CYRIB: variants seen among roughly 807,000 people sequenced by gnomAD.
CYRIB encodes CYFIP related Rac1 interactor B, also known as CYFIP-related Rac1 interactor B.
Under a neutral mutation model 44.2 loss-of-function variants are expected in CYRIB, and 8 were observed. The observed-to-expected ratio is 0.18, with a 90% CI of 0.11 to 0.33. The LOEUF (loss-of-function observed/expected upper bound fraction) is 0.33, where lower values mean the gene tolerates loss of function less well. Ranked by LOEUF, CYRIB falls within the 10% of genes least tolerant of loss-of-function variation. The probability of loss-of-function intolerance (pLI) is 1.00; values close to 1 mark genes in which losing one functional copy is unlikely to be tolerated. For missense variants in CYRIB, 185 were observed against 382.8 expected, an observed-to-expected ratio of 0.48 and a Z score of 4.31; for synonymous variants, 131 against 127.2, an observed-to-expected ratio of 1.03 and a Z score of -0.20.
At chr8:130,006,492 T>C (rs1284789534) in intron 1 of CYRIB, among the ~76,000 whole-genome samples, 1 of 138,786 alleles carries the variant, frequency 7.2e-6, no homozygotes, top group East Asian at 2.1e-4. Flanking sequence ...TATATATATA[T>C]TTATTTATTT....
intron 2 of CYRIB, among the ~76,000 whole-genome samples, chr8:129,966,158 A>T (rs2095471164): frequency 6.6e-6 from 1 of 152,210 alleles, no homozygotes; most frequent in African/African-American, 2.4e-5. Flanking sequence ...CCCAGCCTAA[A>T]TCAATTCCTT....
intron 1 of CYRIB, among the ~76,000 whole-genome samples, chr8:130,003,289 T>G (rs1253643679): frequency 6.6e-6 from 1 of 152,216 alleles, no homozygotes; most frequent in Non-Finnish European, 1.5e-5. Context: ...TTACTGTTTT[T>G]CTTAGGAAAG....
At chr8:129,967,489 C>A (rs2095529581) in intron 2 of CYRIB, among the ~76,000 whole-genome samples, 1 of 151,946 alleles carries the variant, frequency 6.6e-6, no homozygotes, top group Non-Finnish European at 1.5e-5. Flanking sequence ...ACGCCATTCT[C>A]CTGCTTCAGC....
chr8:129,843,268 T>C (rs569405832), intron 11 of CYRIB, among the ~76,000 whole-genome samples: 1 of 152,308 alleles, frequency 6.6e-6, no homozygotes, highest in East Asian at 1.9e-4. Flanking sequence ...AGTTTGGAGA[T>C]TATTTTAAGT....
At chr8:129,941,140 T>C (rs190014197), upstream of CYRIB, among the ~76,000 whole-genome samples, 1 of 152,246 alleles carries the variant, frequency 6.6e-6, no homozygotes, top group African/African-American at 2.4e-5. Flanking sequence ...TGAAGTGGCT[T>C]TTTCAAGGCA....
chr8:129,855,138 A>C (rs115197199), intron 6 of CYRIB, among the ~76,000 whole-genome samples: 2,355 of 152,294 alleles, frequency 0.015, 70 homozygotes, highest in African/African-American at 0.054. Flanking sequence ...TTTTTAAACA[A>C]GGTTAAATGA....
intron 2 of CYRIB, among the ~76,000 whole-genome samples, chr8:129,967,502 C>CT (rs753946169): frequency 1.1e-4 from 17 of 151,938 alleles, no homozygotes; most frequent in Non-Finnish European, 2.5e-4. Flanking sequence ...GCTTCAGCCT[C>CT]CCGAGTAGCT....
intron 7 of CYRIB, among the ~76,000 whole-genome samples, chr8:129,852,981 T>C (rs903301844): frequency 1.3e-5 from 2 of 152,190 alleles, no homozygotes; most frequent in African/African-American, 4.8e-5. Context: ...CGTGGGCAGA[T>C]TGTACCAAAA....
chr8:129,983,410 A>G (rs1298976766), intron 1 of CYRIB, among the ~76,000 whole-genome samples: 1 of 152,186 alleles, frequency 6.6e-6, no homozygotes, highest in Admixed American at 6.5e-5. Flanking sequence ...GTGCCACTGC[A>G]CTCCAGCCAG....
At chr8:129,858,719 G>T (rs1433518674) in intron 5 of CYRIB, among the ~76,000 whole-genome samples, 1 of 95,726 alleles carries the variant, frequency 1.0e-5, no homozygotes, top group Non-Finnish European at 2.0e-5. Context: ...ATGTTGAAGG[G>T]ACTTATTATG....
rs554120846 is a variant in CYRIB, at chr8:130,007,628, TACA to T, written c.-296+8739_-296+8741del. On this transcript the variant is annotated intron_variant, in intron 1 of 14. Coordinates refer to the CYRIB transcript ENST00000401979. Reference sequence around the variant, plus strand: ...GGTGAAACCCTGTCGCTACTAAAAATACAACATTAGCTGGGCGTGGTGGCACAG... The same window carrying T: ...GGTGAAACCCTGTCGCTACTAAAAATACATTAGCTGGGCGTGGTGGCACAG... 1.8e-3 allele frequency among the ~76,000 whole-genome samples: 276 copies of T among 151,952 alleles called. 2 individuals are homozygous for T. The highest frequency in any genetic ancestry group is 6.8e-3 in the Middle Eastern group (2 of 292).
intron 2 of CYRIB, among the ~76,000 whole-genome samples, chr8:129,899,835 T>C (rs2070506731): frequency 6.6e-6 from 1 of 152,230 alleles, no homozygotes; most frequent in Admixed American, 6.5e-5. Flanking sequence ...CAGATGTCCT[T>C]GCAGAAGTAC....
At chr8:129,990,162 GC>G in intron 1 of CYRIB, among the ~76,000 whole-genome samples, 1 of 152,130 alleles carries the variant, frequency 6.6e-6, no homozygotes, top group Admixed American at 6.5e-5. Flanking sequence ...TCTCCCTGGT[GC>G]CCAGCACAGT....
rs570060296 is a variant in CYRIB at position 129,962,073 on chromosome 8, A to AC, written c.-243+8869dup. On this transcript the variant is annotated intron_variant, in intron 2 of 14. Coordinates refer to the CYRIB transcript ENST00000401979. ...AAGACCAGCCTGAGCAACATGGGAG[A>AC]CCCCTTCTCTAAACATACAAAAAAT... 3.1e-3 allele frequency among the ~76,000 whole-genome samples: 472 copies of AC among 151,736 alleles called. 2 individuals are homozygous for AC. Among genetic ancestry groups the AC allele is most frequent in the Middle Eastern group, 0.014 (4 of 292 alleles).
intron 1 of CYRIB, among the ~76,000 whole-genome samples, chr8:130,015,603 G>C (rs1279292753): frequency 6.6e-6 from 1 of 152,146 alleles, no homozygotes; most frequent in Non-Finnish European, 1.5e-5. Context: ...ACTCCAAGTA[G>C]CTCCAGCATG....
In CYRIB at chr8:129,950,405, A is replaced by G. The variant is rs188623545; in HGVS notation, c.-243+20538T>C. Among the ~76,000 whole-genome samples the G allele has an allele frequency of 5.8e-4, 88 of 152,304 alleles. No individual in the cohort carries two copies. The South Asian group carries it at 0.011, about 19-fold the overall frequency. On this transcript the variant is annotated intron_variant, in intron 2 of 14. Transcript: ENST00000401979. ...GCCAGCATGGCAAAAGCCCATCTCT[A>G]CTAAAAATACAAAAATTAGCCAGAC...
chr8:129,849,803 G>A (rs542597970), intron 9 of CYRIB: 2 of 154,866 alleles, frequency 1.3e-5, no homozygotes, highest in Non-Finnish European at 2.9e-5. Flanking sequence ...TTAGAGAATA[G>A]ATGCTACGTA....
exon 12 of CYRIB, chr8:129,840,076 CA>C (rs1032943682): frequency 1.9e-5 from 3 of 160,098 alleles, no homozygotes; most frequent in African/African-American, 7.2e-5. Flanking sequence ...AGGTAAGTAT[CA>C]GAGGTGTTTT....
intron 2 of CYRIB, among the ~76,000 whole-genome samples, chr8:129,954,276 G>A (rs1316146473): frequency 1.3e-5 from 2 of 152,026 alleles, no homozygotes; most frequent in Admixed American, 1.3e-4. Flanking sequence ...AGGCTGGAGT[G>A]CAATGGTATC....
Sources: allele counts gnomAD v4.1 joint callset (sites outside exome capture counted in the v4.1 genomes callset), GRCh38; gene constraint gnomAD v4.1.1; transcripts MANE v1.5; gene names NCBI Gene and HGNC (gene_info 2026-07-23, HGNC 2026-07-21).